ERC2: variants seen among roughly 807,000 people sequenced by gnomAD.
ERC2 encodes ERC protein 2.
In ERC2, 42 loss-of-function variants were observed where a neutral mutation model predicts 114.8. That is an observed-to-expected ratio of 0.37 (90% CI 0.29 to 0.47). The LOEUF (loss-of-function observed/expected upper bound fraction) is 0.47, where lower values mean the gene tolerates loss of function less well. Among genes scored for constraint, ERC2 ranks in the 20% least tolerant of loss-of-function variants. The probability of loss-of-function intolerance (pLI) is 0.99; values close to 1 mark genes in which losing one functional copy is unlikely to be tolerated. For missense variants in ERC2, 939 were observed against 1,150.7 expected, an observed-to-expected ratio of 0.82 and a Z score of 2.66; for synonymous variants, 454 against 425.5, an observed-to-expected ratio of 1.07 and a Z score of -0.82.
At chr3:55,924,539 T>G (rs2065637412) in intron 13 of ERC2, among the ~76,000 whole-genome samples, 1 of 152,072 alleles carries the variant, frequency 6.6e-6, no homozygotes, top group Non-Finnish European at 1.5e-5. Flanking sequence ...TAGCCCCACC[T>G]GAGCATCACC....
chr3:56,098,345 G>A (rs554923462), intron 6 of ERC2, among the ~76,000 whole-genome samples: 18 of 152,304 alleles, frequency 1.2e-4, no homozygotes, highest in East Asian at 9.7e-4. Flanking sequence ...TGTAGTTTTA[G>A]AAGTGGAGCG....
chr3:56,380,039 C>T (rs1364072969), intron 2 of ERC2, among the ~76,000 whole-genome samples: 1 of 152,026 alleles, frequency 6.6e-6, no homozygotes, highest in Non-Finnish European at 1.5e-5. Flanking sequence ...CCCGGGCCCC[C>T]TCACTAAATA....
At chr3:56,392,419 G>A (rs963439770) in intron 2 of ERC2, among the ~76,000 whole-genome samples, 1 of 152,092 alleles carries the variant, frequency 6.6e-6, no homozygotes, top group African/African-American at 2.4e-5. Flanking sequence ...CTTTATATAG[G>A]ACAATTTAGA....
intron 3 of ERC2, among the ~76,000 whole-genome samples, chr3:56,248,653 C>A (rs999476839): frequency 1.3e-5 from 2 of 152,214 alleles, no homozygotes; most frequent in Non-Finnish European, 2.9e-5. Flanking sequence ...GACATATTTG[C>A]TTCTACATGC....
chr3:55,631,717 C>A (rs938726153), intron 17 of ERC2, among the ~76,000 whole-genome samples: 1 of 151,130 alleles, frequency 6.6e-6, no homozygotes, highest in African/African-American at 2.4e-5. Context: ...GGCCAGCCAC[C>A]AACCATCACC....
At chr3:56,156,114 TTAG>T (rs2081704752) in intron 4 of ERC2, among the ~76,000 whole-genome samples, 1 of 152,078 alleles carries the variant, frequency 6.6e-6, no homozygotes, top group Non-Finnish European at 1.5e-5. Flanking sequence ...AAACCATCAC[TTAG>T]TGGTGAAAGA....
chr3:56,317,758 T>C (rs1220912259), intron 2 of ERC2, among the ~76,000 whole-genome samples: 1 of 152,122 alleles, frequency 6.6e-6, no homozygotes, highest in Non-Finnish European at 1.5e-5. Flanking sequence ...GAAATAAAAG[T>C]ATAGCATAGC....
At chr3:56,324,610 G>C (rs561154130) in intron 2 of ERC2, among the ~76,000 whole-genome samples, 177 of 152,144 alleles carry the variant, frequency 1.2e-3, no homozygotes, top group African/African-American at 4.0e-3. Flanking sequence ...GCATCTTCAA[G>C]GTCAGGCTGC....
At chr3:55,991,539 T>C (rs1441101043) in intron 11 of ERC2, among the ~76,000 whole-genome samples, 1 of 152,196 alleles carries the variant, frequency 6.6e-6, no homozygotes, top group Non-Finnish European at 1.5e-5. Context: ...ATTTAAAAGG[T>C]CCTCTTAAGA....
At chr3:55,651,548 C>G (rs190720625) in intron 17 of ERC2, among the ~76,000 whole-genome samples, 1 of 152,130 alleles carries the variant, frequency 6.6e-6, no homozygotes, top group Non-Finnish European at 1.5e-5. Context: ...CTGGGTCTTT[C>G]GCTTCTCTGA....
At chr3:55,728,569 TG>T (rs2065060862) in intron 15 of ERC2, among the ~76,000 whole-genome samples, 1 of 152,138 alleles carries the variant, frequency 6.6e-6, no homozygotes, top group Non-Finnish European at 1.5e-5. Flanking sequence ...TAGAGGAGCC[TG>T]GGAAGGGTTT....
chr3:55,912,388 G>T (rs1177162164), intron 13 of ERC2, among the ~76,000 whole-genome samples: 1 of 152,140 alleles, frequency 6.6e-6, no homozygotes, highest in Non-Finnish European at 1.5e-5. Flanking sequence ...GATAACATCA[G>T]CACACTGAAA....
intron 14 of ERC2, among the ~76,000 whole-genome samples, chr3:55,861,608 T>C (rs1211473542): frequency 6.6e-6 from 1 of 152,212 alleles, no homozygotes; most frequent in Non-Finnish European, 1.5e-5. Flanking sequence ...CTCTCTCTCT[T>C]TTATCCTTTT....
intron 14 of ERC2, among the ~76,000 whole-genome samples, chr3:55,857,604 C>T (rs2061847748): frequency 6.6e-6 from 1 of 152,022 alleles, no homozygotes; most frequent in Non-Finnish European, 1.5e-5. Context: ...AAACAAAAAC[C>T]ATGACTAATA....
At chr3:55,528,673 A>G (rs989525185) in intron 17 of ERC2, among the ~76,000 whole-genome samples, 12 of 152,188 alleles carry the variant, frequency 7.9e-5, no homozygotes, top group Non-Finnish European at 2.9e-5. Context: ...TCTGGTACAG[A>G]CACAAGGATA....
At chr3:55,583,740 G>A (rs528622139) in intron 17 of ERC2, among the ~76,000 whole-genome samples, 24 of 151,800 alleles carry the variant, frequency 1.6e-4, no homozygotes, top group African/African-American at 5.6e-4. Flanking sequence ...TATAGGTGAT[G>A]GAACCAGCCA....
At chr3:55,724,095 A>G (rs1417734514) in intron 15 of ERC2, among the ~76,000 whole-genome samples, 2 of 151,772 alleles carry the variant, frequency 1.3e-5, no homozygotes, top group Non-Finnish European at 2.9e-5. Context: ...TCCAACAGAT[A>G]CCTTGAGAAT....
chr3:56,309,027 C>A (rs897522089), intron 2 of ERC2, among the ~76,000 whole-genome samples: 1 of 152,182 alleles, frequency 6.6e-6, no homozygotes, highest in African/African-American at 2.4e-5. Context: ...GACTTCAAAT[C>A]TTCCTTAGGC....
intron 3 of ERC2, among the ~76,000 whole-genome samples, chr3:56,201,656 A>G (rs2048414523): frequency 6.6e-6 from 1 of 152,246 alleles, no homozygotes; most frequent in Non-Finnish European, 1.5e-5. Flanking sequence ...CATTTGCTTC[A>G]GTGGGTACAA....
Sources: gnomAD v4.1 joint callset for allele counts (sites outside exome capture counted in the v4.1 genomes callset) on GRCh38, gnomAD v4.1.1 for gene constraint, MANE v1.5 for transcripts, NCBI Gene and HGNC (gene_info 2026-07-23, HGNC 2026-07-21) for gene names.